RAP1GDS1: variants seen among roughly 807,000 people sequenced by gnomAD.
RAP1GDS1 encodes the protein RAP1, GTP-GDP dissociation stimulator 1.
RAP1GDS1 carries 35 observed loss-of-function variants against 71.1 expected under a neutral mutation model. That is an observed-to-expected ratio of 0.49 (90% CI 0.38 to 0.65). The LOEUF (loss-of-function observed/expected upper bound fraction) is 0.65, where lower values mean the gene tolerates loss of function less well. Ranked by LOEUF, RAP1GDS1 falls within the 30% of genes least tolerant of loss-of-function variation. RAP1GDS1 has a pLI of 0.00. For synonymous variants in RAP1GDS1, 229 were observed against 243.1 expected (o/e 0.94, Z 0.54); for missense variants, 663 against 706.1 (o/e 0.94, Z 0.69).
At chr4:98,397,292 A>G (rs137981360) in intron 6 of RAP1GDS1, among the ~76,000 whole-genome samples, 1,720 of 152,280 alleles carry the variant, frequency 0.011, 15 homozygotes, top group Non-Finnish European at 0.02. Flanking sequence ...CATGGAATAA[A>G]CAGAATGAGA....
intron 6 of RAP1GDS1, among the ~76,000 whole-genome samples, chr4:98,397,697 T>G (rs149471964): frequency 5.3e-5 from 8 of 152,222 alleles, no homozygotes; most frequent in African/African-American, 1.9e-4. Flanking sequence ...CATCAAGATT[T>G]CTAGACCCTC....
In RAP1GDS1 at chr4:98,400,351, T is replaced by TAC. The variant is rs757049858; in HGVS notation, c.638-4112_638-4111dup. On this transcript the variant is annotated intron_variant, in intron 6 of 14. Coordinates refer to ENST00000408927, the MANE Select transcript of RAP1GDS1 (RefSeq NM_001100427.2). ...AGGTAAAATGTGATGTATATGTATA[T>TAC]ACACACACACACACAATGGAATACT... Among the ~76,000 whole-genome samples, 243 of 151,062 alleles carry TAC rather than the reference T, an allele frequency of 1.6e-3. 1 individual carries two copies. In the South Asian group the frequency reaches 0.018, roughly 11 times the overall value.
chr4:98,406,444 A>C (rs2110158661), intron 7 of RAP1GDS1, among the ~76,000 whole-genome samples: 1 of 152,138 alleles, frequency 6.6e-6, no homozygotes. Context: ...GCTAGAGATA[A>C]AGAGGGTGAC....
intron 1 of RAP1GDS1, among the ~76,000 whole-genome samples, chr4:98,276,833 G>A (rs992059959): frequency 2.0e-5 from 3 of 152,194 alleles, no homozygotes; most frequent in African/African-American, 7.2e-5. Context: ...TTCAAAAGAA[G>A]TCAGAAACCA....
intron 3 of RAP1GDS1, among the ~76,000 whole-genome samples, chr4:98,343,675 C>T (rs1735821565): frequency 6.6e-6 from 1 of 152,168 alleles, no homozygotes; most frequent in Admixed American, 6.5e-5. Context: ...CCGACATTGG[C>T]ACTTCAACAG....
intron 5 of RAP1GDS1, among the ~76,000 whole-genome samples, chr4:98,383,564 T>G (rs1018578247): frequency 6.6e-6 from 1 of 151,528 alleles, no homozygotes; most frequent in African/African-American, 2.4e-5. Context: ...ATTTGTCGCA[T>G]GGGCTGATGA....
chr4:98,321,734 C>T (rs1320873352), intron 2 of RAP1GDS1, among the ~76,000 whole-genome samples: 1 of 114,716 alleles, frequency 8.7e-6, no homozygotes, highest in Non-Finnish European at 1.8e-5. Flanking sequence ...GATTTTGTCA[C>T]CACCAGGCCT....
chr4:98,286,975 A>T (rs75683510), intron 1 of RAP1GDS1, among the ~76,000 whole-genome samples: 6,472 of 151,564 alleles, frequency 0.043, 318 homozygotes, highest in African/African-American at 0.12. Context: ...AAGATGACTT[A>T]GAGTGAAATA....
At chr4:98,430,905 TG>T (rs1750302842) in intron 12 of RAP1GDS1, among the ~76,000 whole-genome samples, 1 of 152,238 alleles carries the variant, frequency 6.6e-6, no homozygotes, top group South Asian at 2.1e-4. Context: ...GGTTTCATGC[TG>T]CTTAGTCATC....
At chr4:98,289,349 G>T (rs1726547102) in intron 1 of RAP1GDS1, among the ~76,000 whole-genome samples, 4 of 152,218 alleles carry the variant, frequency 2.6e-5, no homozygotes, top group Non-Finnish European at 4.4e-5. Flanking sequence ...CGCCAAGTAA[G>T]TAGCCATGCT....
intron 2 of RAP1GDS1, among the ~76,000 whole-genome samples, chr4:98,334,553 C>T (rs1448416808): frequency 1.3e-5 from 2 of 152,104 alleles, no homozygotes; most frequent in Non-Finnish European, 2.9e-5. Flanking sequence ...TTCACCCCCG[C>T]ATGGCAGAAA....
At chr4:98,276,659 A>G (rs926562831) in intron 1 of RAP1GDS1, among the ~76,000 whole-genome samples, 1 of 152,198 alleles carries the variant, frequency 6.6e-6, no homozygotes, top group Non-Finnish European at 1.5e-5. Flanking sequence ...CAGCAAAAAC[A>G]TGATGAATGG....
chr4:98,282,975 G>A (rs541929416), intron 1 of RAP1GDS1, among the ~76,000 whole-genome samples: 4 of 152,164 alleles, frequency 2.6e-5, no homozygotes, highest in African/African-American at 9.6e-5. Context: ...TTGCACTGTG[G>A]TCTGAGAGAC....
intron 2 of RAP1GDS1, among the ~76,000 whole-genome samples, chr4:98,319,497 G>A (rs900187720): frequency 6.6e-6 from 1 of 151,764 alleles, no homozygotes; most frequent in Non-Finnish European, 1.5e-5. Context: ...ATTGGGTTTT[G>A]TGGCTGGGCA....
intron 12 of RAP1GDS1, among the ~76,000 whole-genome samples, chr4:98,422,257 G>A (rs975328131): frequency 6.6e-5 from 10 of 151,922 alleles, no homozygotes; most frequent in African/African-American, 9.7e-5. Context: ...TTGCTCTCTC[G>A]CTCAGGCTGG....
intron 2 of RAP1GDS1, among the ~76,000 whole-genome samples, chr4:98,340,436 C>G (rs1037779238): frequency 6.6e-6 from 1 of 152,094 alleles, no homozygotes; most frequent in Non-Finnish European, 1.5e-5. Flanking sequence ...ACCACACATT[C>G]TCACTTAAGT....
intron 4 of RAP1GDS1, among the ~76,000 whole-genome samples, chr4:98,377,991 TTTA>T (rs1328803304): frequency 1.3e-5 from 2 of 151,852 alleles, no homozygotes; most frequent in Admixed American, 6.6e-5. Flanking sequence ...ATTTTGTTAA[TTTA>T]TTGATTTGCA....
intron 4 of RAP1GDS1, among the ~76,000 whole-genome samples, chr4:98,366,600 G>A (rs766224884): frequency 3.7e-4 from 56 of 152,208 alleles, no homozygotes; most frequent in Non-Finnish European, 7.4e-4. Context: ...GACCCCTACA[G>A]GCTTGAATGG....
intron 6 of RAP1GDS1, among the ~76,000 whole-genome samples, chr4:98,403,618 T>C (rs779462342): frequency 3.3e-5 from 5 of 152,198 alleles, no homozygotes; most frequent in Non-Finnish European, 7.4e-5. Flanking sequence ...GTTATGAATA[T>C]TTATGTTGTA....
Sources: allele counts gnomAD v4.1 joint callset (sites outside exome capture counted in the v4.1 genomes callset), GRCh38; gene constraint gnomAD v4.1.1; transcripts MANE v1.5; gene names NCBI Gene and HGNC (gene_info 2026-07-23, HGNC 2026-07-21).